MLLT3: variants seen among roughly 807,000 people sequenced by gnomAD.
The protein encoded by MLLT3 is protein AF-9.
MLLT3 carries 4 observed loss-of-function variants against 53.2 expected under a neutral mutation model. The observed-to-expected ratio is 0.08, with a 90% CI of 0.04 to 0.17. The LOEUF is 0.17. MLLT3 is among the 10% of genes least tolerant of loss of function. The pLI, the probability that MLLT3 is intolerant of heterozygous loss-of-function variation, is 1.00. For missense variants in MLLT3, 569 were observed against 684.0 expected (o/e 0.83, Z 1.87); for synonymous variants, 283 against 230.6 (o/e 1.23, Z -2.06).
chr9:20,343,774 T>A lies in MLLT3; in HGVS notation c.*2669A>T, dbSNP rs1463830037. On this transcript the variant is annotated 3_prime_UTR_variant, in exon 11 of 11. Transcript: ENST00000380338. ...AACCCTGCCATTTTCCCTTTGTGCT[T>A]AAGAAACCAGAGCCACTGTTAGGGT... 4.7e-6 allele frequency: 1 copy of A among 213,952 alleles called. No individual in the cohort carries two copies. Among genetic ancestry groups the A allele is most frequent in the Admixed American group, 5.9e-5 (1 of 17,062 alleles). 13.3% of individuals were successfully genotyped at this position (213,952 alleles called of 1,614,324 possible).
At chr9:20,542,903 T>G (rs920118286) in intron 2 of MLLT3, among the ~76,000 whole-genome samples, 1 of 152,246 alleles carries the variant, frequency 6.6e-6, no homozygotes, top group Non-Finnish European at 1.5e-5. Flanking sequence ...TCTGGATAAC[T>G]TGCTGCAGCT....
At chr9:20,360,957 T>C in intron 7 of MLLT3, 116 bp from the exon 8 acceptor site, 1 of 855,596 alleles carries the variant, frequency 1.2e-6, no homozygotes, top group South Asian at 1.5e-5. Context: ...CAAGTTCATT[T>C]TAACTCACAG....
chr9:20,579,457 G>A (rs551561840), intron 2 of MLLT3, among the ~76,000 whole-genome samples: 1 of 151,986 alleles, frequency 6.6e-6, no homozygotes, highest in South Asian at 2.1e-4. Context: ...GTATCATCGA[G>A]AAACAAGAGG....
chr9:20,537,590 C>T (rs1346234865), intron 2 of MLLT3, among the ~76,000 whole-genome samples: 1 of 152,106 alleles, frequency 6.6e-6, no homozygotes, highest in Non-Finnish European at 1.5e-5. Flanking sequence ...ATGTATACAT[C>T]TCAAACAAAT....
intron 2 of MLLT3, among the ~76,000 whole-genome samples, chr9:20,608,335 G>T (rs1820617041): frequency 6.6e-6 from 1 of 151,814 alleles, no homozygotes; most frequent in Non-Finnish European, 1.5e-5. Flanking sequence ...CAGCAAGATA[G>T]ACATGTTAAT....
At chr9:20,425,016 C>T (rs925308188) in intron 4 of MLLT3, among the ~76,000 whole-genome samples, 1 of 152,132 alleles carries the variant, frequency 6.6e-6, no homozygotes, top group Non-Finnish European at 1.5e-5. Context: ...GAAGACTTAA[C>T]ATTTTATTAC....
chr9:20,613,268 A>C lies in MLLT3; in HGVS notation c.193+7386T>G, dbSNP rs536999915. Among the ~76,000 whole-genome samples the C allele has an allele frequency of 5.9e-5, 9 of 152,356 alleles. No homozygotes were observed. In the South Asian group the frequency reaches 1.7e-3, roughly 28 times the overall value. ...TAAAAACCACAGACTTGCACACTTT[A>C]AAAGGGTAAATTTTGCATGTGAATT... is the stretch of plus-strand genomic sequence containing the variant. On this transcript the variant is annotated intron_variant, in intron 2 of 10. Coordinates refer to ENST00000380338, the MANE Select transcript of MLLT3 (RefSeq NM_004529.4).
intron 2 of MLLT3, among the ~76,000 whole-genome samples, chr9:20,550,954 G>A (rs957910628): frequency 6.6e-6 from 1 of 151,922 alleles, no homozygotes; most frequent in Non-Finnish European, 1.5e-5. Flanking sequence ...TGGTAGAAAT[G>A]GGGTCTCACT....
intron 2 of MLLT3, chr9:20,532,878 G>T: frequency 3.8e-6 from 1 of 264,466 alleles, no homozygotes. Flanking sequence ...GGCAAAGCAA[G>T]ACAAGAAGCA....
chr9:20,472,583 C>T (rs551505553), intron 2 of MLLT3, among the ~76,000 whole-genome samples: 54 of 152,134 alleles, frequency 3.5e-4, no homozygotes, highest in African/African-American at 1.1e-3. Flanking sequence ...AGTAGTTGAA[C>T]ACCCTAGATT....
chr9:20,548,674 G>A (rs7848958), intron 2 of MLLT3, among the ~76,000 whole-genome samples: 29,680 of 152,044 alleles, frequency 0.2, 2,965 homozygotes, highest in Middle Eastern at 0.24. Flanking sequence ...TCTCTTCTGC[G>A]GGCTCTGGGC....
chr9:20,487,140 G>T (rs537367546), intron 2 of MLLT3, among the ~76,000 whole-genome samples: 4 of 152,164 alleles, frequency 2.6e-5, no homozygotes, highest in South Asian at 2.1e-4. Context: ...AAATAAAAAG[G>T]TCCTAAAGCT....
chr9:20,461,257 C>T (rs1339276926), intron 2 of MLLT3, among the ~76,000 whole-genome samples: 8 of 151,970 alleles, frequency 5.3e-5, no homozygotes, highest in Non-Finnish European at 1.2e-4. Context: ...ATAACAGACA[C>T]AATATAGATT....
intron 2 of MLLT3, among the ~76,000 whole-genome samples, chr9:20,587,053 C>A (rs1819987004): frequency 6.6e-6 from 1 of 151,948 alleles, no homozygotes; most frequent in Admixed American, 6.6e-5. Flanking sequence ...TTTGATAAAA[C>A]CAAGTACAAA....
rs942094205 is a variant in MLLT3 at position 20,436,887 on chromosome 9, A to G, written c.420+11236T>C. Among the ~76,000 whole-genome samples, 5 of 152,274 alleles carry G rather than the reference A, an allele frequency of 3.3e-5. No homozygotes were observed. The East Asian group carries it at 9.7e-4, about 29-fold the overall frequency. Reference sequence around the variant, plus strand: ...ATGAAAGTGTTCATGGGTTTTTCCTAAACAGCAGTCACTGTGCTAATCATT... The same window carrying G: ...ATGAAAGTGTTCATGGGTTTTTCCTGAACAGCAGTCACTGTGCTAATCATT... On this transcript the variant is annotated intron_variant, in intron 4 of 10. Coordinates refer to ENST00000380338, the MANE Select transcript of MLLT3 (RefSeq NM_004529.4).
chr9:20,457,811 G>A (rs1376430721), intron 2 of MLLT3, among the ~76,000 whole-genome samples: 1 of 152,106 alleles, frequency 6.6e-6, no homozygotes, highest in Non-Finnish European at 1.5e-5. Flanking sequence ...AGCCAAACAG[G>A]ATTTCATTCC....
intron 2 of MLLT3, among the ~76,000 whole-genome samples, chr9:20,529,724 CTTTTTTT>C (rs5896896): frequency 1.3e-5 from 1 of 76,410 alleles, no homozygotes; most frequent in African/African-American, 5.3e-5. Flanking sequence ...TAATCCAATC[CTTTTTTT>C]TTTTTTTTTT....
At chr9:20,433,788 G>C (rs932297368) in intron 4 of MLLT3, among the ~76,000 whole-genome samples, 2 of 151,992 alleles carry the variant, frequency 1.3e-5, no homozygotes, top group Non-Finnish European at 2.9e-5. Flanking sequence ...TAAATGCTAC[G>C]TATGATTGTA....
At chr9:20,363,754 T>C in intron 6 of MLLT3, 149 bp from the exon 7 acceptor site, 1 of 673,464 alleles carries the variant, frequency 1.5e-6, no homozygotes, top group Non-Finnish European at 2.1e-6. Flanking sequence ...AAATTTGGTA[T>C]AGTTTCTAAA....
Sources: gnomAD v4.1 joint callset for allele counts (sites outside exome capture counted in the v4.1 genomes callset) on GRCh38, gnomAD v4.1.1 for gene constraint, MANE v1.5 for transcripts, NCBI Gene and HGNC (gene_info 2026-07-23, HGNC 2026-07-21) for gene names.